The following WNK1 variants were observed in gnomAD, a reference collection of about 807,000 sequenced individuals.
WNK1 encodes WNK lysine deficient protein kinase 1.
WNK1 carries 38 observed loss-of-function variants against 222.8 expected under a neutral mutation model. The ratio of observed to expected loss-of-function variants is 0.17; its 90% confidence interval spans 0.13 to 0.22. The LOEUF (loss-of-function observed/expected upper bound fraction) is 0.22, where lower values mean the gene tolerates loss of function less well. WNK1 is among the 10% of genes least tolerant of loss of function. The pLI, the probability that WNK1 is intolerant of heterozygous loss-of-function variation, is 1.00. For missense variants in WNK1, 2,348 were observed against 2,918.4 expected, an observed-to-expected ratio of 0.80 and a Z score of 4.50; for synonymous variants, 1,090 against 1,092.9, an observed-to-expected ratio of 1.00 and a Z score of 0.05.
chr12:887,147 G>T, intron 19 of WNK1, 74 bp from the exon 20 acceptor site: 1 of 1,287,450 alleles, frequency 7.8e-7, no homozygotes, highest in Admixed American at 1.7e-5. Context: ...ATTCAAATTA[G>T]TTGATTTGCT....
chr12:908,147 CTTTAGAA>C, intron 27 of WNK1, 113 bp downstream of exon 27: 2 of 1,357,016 alleles, frequency 1.5e-6, no homozygotes, highest in Non-Finnish European at 2.1e-6. Flanking sequence ...AATTTTAATA[CTTTAGAA>C]AAACAAGGCA....
intron 1 of WNK1, among the ~76,000 whole-genome samples, chr12:791,306 A>G (rs1591715978): frequency 1.3e-5 from 2 of 152,008 alleles, no homozygotes; most frequent in African/African-American, 4.8e-5. Context: ...TAACTAAGAA[A>G]AAGATAATAC....
intron 1 of WNK1, among the ~76,000 whole-genome samples, chr12:804,528 A>G (rs1385625382): frequency 6.6e-6 from 1 of 151,108 alleles, no homozygotes; most frequent in Non-Finnish European, 1.5e-5. Flanking sequence ...TCCCGCTGCC[A>G]CGCCCAGCTA....
intron 17 of WNK1, 73 bp downstream of exon 17, chr12:883,904 T>C: frequency 6.3e-7 from 1 of 1,578,574 alleles, no homozygotes; most frequent in Non-Finnish European, 8.6e-7. Flanking sequence ...GGCAGGCTTC[T>C]GTAGTCCCAG....
chr12:887,194 A>T, intron 19 of WNK1, 27 bp from the exon 20 acceptor site: 1 of 1,610,294 alleles, frequency 6.2e-7, no homozygotes, highest in South Asian at 1.1e-5. Flanking sequence ...CGTCTCACGG[A>T]CTTGATTTTC....
At chr12:880,679 C>T (rs1176723367) in intron 11 of WNK1, 42 bp from the exon 12 acceptor site, 2 of 1,607,620 alleles carry the variant, frequency 1.2e-6, no homozygotes, top group Non-Finnish European at 1.7e-6. Context: ...AATTTATTGA[C>T]CCCCAACCTG....
Position 884,849 on chromosome 12 carries a change from ACAG to A in WNK1, c.4053_4055del (p.Ala1352del). The A allele has an allele frequency of 6.2e-7, 1 of 1,614,098 alleles. No homozygotes were observed. Among genetic ancestry groups the A allele is most frequent in the Non-Finnish European group, 8.5e-7 (1 of 1,179,974 alleles). On this transcript the variant is annotated inframe_deletion, in exon 19 of 28. Coordinates refer to ENST00000315939, the MANE Select transcript of WNK1 (RefSeq NM_018979.4). This position sits in a 1 kb window ranked among gnomAD's most constrained non-coding sequence, Gnocchi z 5.6. ...AAGTAGCATTGCTGGAGTCCCAACC[ACAG>A]CAGCAGCCACAGCACCAGTCCCTGC...
Position 911,436 on chromosome 12 carries a change from A to AAAC in WNK1, c.*2645_*2647dup. The AAAC allele has an allele frequency of 2.5e-6, 1 of 398,612 alleles. No individual in the cohort carries two copies. Among genetic ancestry groups the AAAC allele is most frequent in the Non-Finnish European group, 4.4e-6 (1 of 226,054 alleles). The allele number at this position is 398,612 out of a possible 1,614,324, so 24.7% of individuals were successfully genotyped here. ...TTTAATGAAACCATTCAAATAAACC[A>AAAC]AACTTGCTTTTGTTGAGCTGTGGGG... On this transcript the variant is annotated 3_prime_UTR_variant, in exon 28 of 28. Coordinates refer to ENST00000315939, the MANE Select transcript of WNK1 (RefSeq NM_018979.4).
At chr12:763,163 A>G (rs1435943137) in intron 1 of WNK1, among the ~76,000 whole-genome samples, 2 of 147,604 alleles carry the variant, frequency 1.4e-5, no homozygotes, top group East Asian at 3.9e-4. Context: ...CCCATAACCC[A>G]TTAGACTAAG....
chr12:849,691 A>G (rs972148766), intron 4 of WNK1, among the ~76,000 whole-genome samples: 18 of 152,002 alleles, frequency 1.2e-4, no homozygotes, highest in Non-Finnish European at 2.4e-4. Context: ...AACATTAGGT[A>G]TATCTCCTAA....
At position 911,289 on chromosome 12, in the gene WNK1, T is replaced by C. The variant is rs538479783; in HGVS notation, c.*2497T>C. 1 of 398,614 alleles carries C rather than the reference T, an allele frequency of 2.5e-6. No homozygotes were observed. Among genetic ancestry groups the C allele is most frequent in the South Asian group, 1.3e-4 (1 of 7,866 alleles). 24.7% of individuals were successfully genotyped at this position (398,614 alleles called of 1,614,324 possible). On this transcript the variant is annotated 3_prime_UTR_variant, in exon 28 of 28. Coordinates refer to ENST00000315939, the MANE Select transcript of WNK1 (RefSeq NM_018979.4). ...CAATGTACACTGTTAAAAATAAAAA[T>C]AAAAATTCAAACTTTGGGGGTTTCT...
chr12:875,493 A>G (rs1952525565), intron 9 of WNK1, among the ~76,000 whole-genome samples: 1 of 152,248 alleles, frequency 6.6e-6, no homozygotes, highest in South Asian at 2.1e-4. Context: ...TAAGGAATAA[A>G]CATAAATTTA....
chr12:906,443 G>A, intron 26 of WNK1: 1 of 985,324 alleles, frequency 1.0e-6, no homozygotes, highest in Non-Finnish European at 1.2e-6. Flanking sequence ...TGCCTCAGCT[G>A]CATTTTCTTG....
chr12:900,784 T>A, intron 26 of WNK1, 114 bp downstream of exon 26: 10 of 1,245,698 alleles, frequency 8.0e-6, no homozygotes, highest in Non-Finnish European at 1.2e-5. Context: ...ACAGCCTGTG[T>A]GTTGTACACT....
At chr12:799,699 T>C (rs993214333) in intron 1 of WNK1, among the ~76,000 whole-genome samples, 2 of 152,110 alleles carry the variant, frequency 1.3e-5, no homozygotes, top group African/African-American at 2.4e-5. Context: ...TATTTATTTA[T>C]TTTTTGAGAC....
chr12:804,897 A>ATATTTTTACATTT (rs1555100426), intron 1 of WNK1, among the ~76,000 whole-genome samples: 92 of 11,060 alleles, frequency 8.3e-3, no homozygotes, highest in Non-Finnish European at 0.017. Context: ...AATTTGGTAC[A>ATATTTTTACATTT]TATTTTTATA....
intron 4 of WNK1, chr12:851,711 G>T (rs758056432): frequency 9.6e-5 from 129 of 1,339,946 alleles, no homozygotes; most frequent in Non-Finnish European, 1.2e-4. Context: ...TAAAAAGAAA[G>T]ATTTTTGCTC....
intron 2 of WNK1, among the ~76,000 whole-genome samples, chr12:819,896 T>G (rs909251912): frequency 6.6e-6 from 1 of 152,342 alleles, no homozygotes; most frequent in South Asian, 2.1e-4. Flanking sequence ...ATTTCTGGAC[T>G]CTCAATTCTA....
intron 4 of WNK1, among the ~76,000 whole-genome samples, chr12:838,050 A>G (rs1949333178): frequency 8.9e-6 from 1 of 112,272 alleles, no homozygotes; most frequent in East Asian, 3.5e-4. Flanking sequence ...TTCATGCTTC[A>G]TTCCTCTTTA....
Sources: allele counts gnomAD v4.1 joint callset (sites outside exome capture counted in the v4.1 genomes callset), GRCh38; gene constraint gnomAD v4.1.1; non-coding constraint Gnocchi (gnomAD v3.1); transcripts MANE v1.5; gene names NCBI Gene and HGNC (gene_info 2026-07-23, HGNC 2026-07-21).